The following FBLN2 variants were observed in gnomAD, a reference collection of about 807,000 sequenced individuals.
The protein encoded by FBLN2 is fibulin-2.
A neutral mutation model predicts 123.7 loss-of-function variants in FBLN2; 81 were observed. The ratio of observed to expected loss-of-function variants is 0.65; its 90% CI spans 0.55 to 0.79. The LOEUF (loss-of-function observed/expected upper bound fraction) is 0.79. Ranked by LOEUF, FBLN2 falls within the 30% of genes least tolerant of loss-of-function variation. The pLI, the probability that FBLN2 is intolerant of heterozygous loss-of-function variation, is 0.00. For missense variants in FBLN2, 1,603 were observed against 1,681.3 expected (o/e 0.95, Z 0.81); for synonymous variants, 699 against 701.4 (o/e 1.00, Z 0.05).
In FBLN2 at chr3:13,583,192, C is replaced by T. The variant is rs189443553; in HGVS notation, c.1306+11531C>T. On this transcript the variant is annotated intron_variant, in intron 2 of 17. Transcript: ENST00000404922. ...CCTCTACTGAGTCTGCATGCGGGGC[C>T]CTCTTTGCCACCCTCACAGGTCACC... Among the ~76,000 whole-genome samples the T allele has an allele frequency of 2.5e-3, 377 of 152,354 alleles. 4 individuals carry two copies. The highest frequency in any genetic ancestry group is 8.7e-3 in the African/African-American group (360 of 41,586).
intron 14 of FBLN2, 106 bp downstream of exon 14, chr3:13,630,051 A>C: frequency 6.8e-7 from 1 of 1,464,738 alleles, no homozygotes; most frequent in Non-Finnish European, 9.2e-7. Flanking sequence ...TTACACCTTC[A>C]CCCTCACACC....
intron 3 of FBLN2, among the ~76,000 whole-genome samples, 199 bp downstream of exon 3, chr3:13,608,372 A>G (rs202063484): frequency 6.6e-6 from 1 of 152,248 alleles, no homozygotes; most frequent in South Asian, 2.1e-4. Context: ...GACTGGTCCT[A>G]GGAACAAACC....
intron 1 of FBLN2, among the ~76,000 whole-genome samples, chr3:13,563,712 C>T (rs1221824396): frequency 6.6e-6 from 1 of 152,236 alleles, no homozygotes; most frequent in Non-Finnish European, 1.5e-5. Context: ...GGGTTGGATT[C>T]TGATGCAGCT....
intron 1 of FBLN2, chr3:13,568,773 G>A (rs779607242): frequency 2.5e-4 from 248 of 985,584 alleles, no homozygotes; most frequent in Non-Finnish European, 7.0e-5. Context: ...TGGGGCTCAT[G>A]CCTGCCTGGC....
At chr3:13,565,287 G>A (rs956371495) in intron 1 of FBLN2, among the ~76,000 whole-genome samples, 2 of 152,176 alleles carry the variant, frequency 1.3e-5, no homozygotes, top group African/African-American at 4.8e-5. Flanking sequence ...CCCACCTGCC[G>A]CTGGTCCTGT....
intron 9 of FBLN2, among the ~76,000 whole-genome samples, chr3:13,622,247 G>C (rs1705879716): frequency 1.3e-5 from 2 of 152,216 alleles, no homozygotes; most frequent in Non-Finnish European, 2.9e-5. Context: ...GTGGGGTCTG[G>C]AGGCAGGAGG....
At chr3:13,550,349 G>T (rs549397632) in intron 1 of FBLN2, among the ~76,000 whole-genome samples, 1 of 152,334 alleles carries the variant, frequency 6.6e-6, no homozygotes, top group East Asian at 1.9e-4. Flanking sequence ...TCCAGTCTCC[G>T]AAATAGGGGT....
At chr3:13,579,321 A>G (rs1468228856) in intron 2 of FBLN2, among the ~76,000 whole-genome samples, 1 of 152,244 alleles carries the variant, frequency 6.6e-6, no homozygotes, top group African/African-American at 2.4e-5. Context: ...ACATCATCAC[A>G]CTGTCATGTA....
intron 16 of FBLN2, among the ~76,000 whole-genome samples, chr3:13,634,521 C>G (rs1213445702): frequency 6.6e-6 from 1 of 152,248 alleles, no homozygotes; most frequent in Non-Finnish European, 1.5e-5. Context: ...CACATAAGCT[C>G]CAGGGTCACT....
chr3:13,557,142 C>T (rs1254676491), intron 1 of FBLN2, among the ~76,000 whole-genome samples: 2 of 152,210 alleles, frequency 1.3e-5, no homozygotes, highest in Non-Finnish European at 2.9e-5. Flanking sequence ...GAACATCTGC[C>T]CTGGGCCAGT....
chr3:13,632,362 C>T (rs940664824), intron 16 of FBLN2, among the ~76,000 whole-genome samples: 6 of 152,200 alleles, frequency 3.9e-5, no homozygotes, highest in African/African-American at 1.2e-4. Flanking sequence ...CCTGGAGTTC[C>T]CTGGGGTGCA....
rs540197774 is a variant in FBLN2 at position 13,564,431 on chromosome 3, A to C, written c.-41-5884A>C. 2.1e-3 allele frequency among the ~76,000 whole-genome samples: 315 copies of C among 152,338 alleles called. 2 individuals carry two copies. The highest frequency in any genetic ancestry group is 8.5e-3 in the South Asian group (41 of 4,824). The stretch of plus-strand genomic sequence containing the variant: ...AAAATTTTAAAGCCATACTGGCGCC[A>C]ACCTGAGACTTTGTTCTTATCTACA... On this transcript the variant is annotated intron_variant, in intron 1 of 17. Transcript: ENST00000404922.
chr3:13,587,581 G>A (rs558169786), intron 2 of FBLN2, among the ~76,000 whole-genome samples: 11 of 152,292 alleles, frequency 7.2e-5, no homozygotes, highest in South Asian at 4.1e-4. Context: ...CTCAGCAGGC[G>A]CTCTTAAAAT....
intron 1 of FBLN2, among the ~76,000 whole-genome samples, chr3:13,554,352 C>A (rs1031059981): frequency 8.5e-5 from 13 of 152,200 alleles, no homozygotes; most frequent in Non-Finnish European, 1.3e-4. Context: ...AGAGTTCTTC[C>A]CTCCTTAGCC....
At chr3:13,581,977 CTG>C (rs2124842097) in intron 2 of FBLN2, among the ~76,000 whole-genome samples, 2 of 152,248 alleles carry the variant, frequency 1.3e-5, no homozygotes, top group South Asian at 4.1e-4. Context: ...CCTTCACTAG[CTG>C]TGTGACCTCA....
intron 4 of FBLN2, among the ~76,000 whole-genome samples, chr3:13,612,229 G>A (rs1705413201): frequency 6.6e-6 from 1 of 151,732 alleles, no homozygotes; most frequent in Non-Finnish European, 1.5e-5. Context: ...CTTTATGTTT[G>A]ACCCTGGACT....
At chr3:13,574,354 C>T (rs950237480) in intron 2 of FBLN2, among the ~76,000 whole-genome samples, 5 of 152,182 alleles carry the variant, frequency 3.3e-5, no homozygotes, top group African/African-American at 9.7e-5. Flanking sequence ...TCCTGAGGGC[C>T]GCCCTGCCCG....
At chr3:13,613,428 C>T (rs1274015600) in intron 4 of FBLN2, among the ~76,000 whole-genome samples, 1 of 152,210 alleles carries the variant, frequency 6.6e-6, no homozygotes, top group Non-Finnish European at 1.5e-5. Context: ...CGTAGATCTA[C>T]ATCTTTAGGA....
In FBLN2 at chr3:13,614,686, C is replaced by T. The variant is rs576856412; in HGVS notation, c.1729+522C>T. Among the ~76,000 whole-genome samples the T allele has an allele frequency of 2.4e-3, 355 of 150,042 alleles. 1 individual carries two copies. The highest frequency in any genetic ancestry group is 4.3e-3 in the Non-Finnish European group (287 of 67,038). ...TCCATCCATCCACCTACCCACCCAT[C>T]CACCCATTCACTCACCCACCCATCC... On this transcript the variant is annotated intron_variant, in intron 5 of 17. Coordinates refer to ENST00000404922, the MANE Select transcript of FBLN2 (RefSeq NM_001004019.2).
Sources: allele counts gnomAD v4.1 joint callset (sites outside exome capture counted in the v4.1 genomes callset), GRCh38; gene constraint gnomAD v4.1.1; transcripts MANE v1.5; gene names NCBI Gene and HGNC (gene_info 2026-07-23, HGNC 2026-07-21).